Variants in MYO7B observed in about 807,000 individuals in gnomAD.
MYO7B encodes unconventional myosin-VIIb.
MYO7B carries 212 observed loss-of-function variants against 259.7 expected under a neutral mutation model. The ratio of observed to expected loss-of-function variants is 0.82; its 90% CI spans 0.73 to 0.91. MYO7B has a LOEUF of 0.91. Among genes scored for constraint, MYO7B ranks in the 40% least tolerant of loss-of-function variants. The pLI is 0.00. For missense variants in MYO7B, 2,732 were observed against 2,813.5 expected, an observed-to-expected ratio of 0.97 and a Z score of 0.66; for synonymous variants, 1,197 against 1,166.4, an observed-to-expected ratio of 1.03 and a Z score of -0.54.
intron 2 of MYO7B, among the ~76,000 whole-genome samples, chr2:127,562,779 C>G (rs1207157798): frequency 3.9e-5 from 6 of 152,082 alleles, no homozygotes; most frequent in African/African-American, 2.4e-5. Flanking sequence ...AGCCACCACA[C>G]CCAGCCAATT....
chr2:127,626,769 A>C (rs1418786784), intron 31 of MYO7B: 8 of 529,280 alleles, frequency 1.5e-5, no homozygotes, highest in Non-Finnish European at 2.4e-5. Flanking sequence ...ACAGAGCGAG[A>C]CTCTGTCTCA....
chr2:127,579,453 C>T (rs565770546), intron 9 of MYO7B, among the ~76,000 whole-genome samples: 12 of 152,320 alleles, frequency 7.9e-5, no homozygotes, highest in African/African-American at 1.9e-4. Flanking sequence ...CTGCACACTT[C>T]GGCCAGGGAA....
chr2:127,631,327 G>A lies in MYO7B; in HGVS notation c.5059G>A (p.Val1687Ile), dbSNP rs201972665. 546 of 1,611,678 alleles carry A rather than the reference G, an allele frequency of 3.4e-4. 1 individual carries two copies. In the African/African-American group the frequency reaches 5.9e-3, roughly 18 times the overall value. ...QPLLKRVHAN[V>I]DLWDIACQIF... Reference sequence around the variant, plus strand: ...GCTGCTCAAGCGAGTCCACGCCAACGTCGACCTCTGGGACATCGCCTGCCA... The same window carrying A: ...GCTGCTCAAGCGAGTCCACGCCAACATCGACCTCTGGGACATCGCCTGCCA... Residue 1687 changes from valine (V) to isoleucine (I), a missense_variant, in exon 37 of 48, where the codon GTC becomes ATC. By Grantham distance (29) the Val-to-Ile change is conservative. Around this residue, in one of 3 missense-constraint regions of MYO7B, gnomAD observed 821 missense variants for 769.3 expected, o/e 1.07. Transcript: ENST00000409816.
intron 19 of MYO7B, among the ~76,000 whole-genome samples, chr2:127,601,413 C>T (rs1679959972): frequency 6.6e-6 from 1 of 152,042 alleles, no homozygotes; most frequent in Non-Finnish European, 1.5e-5. Flanking sequence ...TTGAGAGAGT[C>T]TCTAATTATA....
At chr2:127,550,844 G>A (rs950206279) in intron 1 of MYO7B, among the ~76,000 whole-genome samples, 1 of 118,136 alleles carries the variant, frequency 8.5e-6, no homozygotes, top group Admixed American at 9.4e-5. Flanking sequence ...AAAGGACCAG[G>A]AGAGTGGACG....
At chr2:127,631,438 G>T (rs1681502828) in intron 37 of MYO7B, 75 bp downstream of exon 37, 1 of 1,561,058 alleles carries the variant, frequency 6.4e-7, no homozygotes, top group African/African-American at 1.3e-5. Flanking sequence ...TGGCCCTACA[G>T]CTGTGCTCTA....
At position 127,636,867 on chromosome 2, in the gene MYO7B, T is replaced by TG. The variant is rs1340372105; in HGVS notation, c.6285dup (p.Ser2096GlufsTer17). ...GGCAGCACCTACTTCCACATGGCGCTGGGGAGCCTGGGCCGTGGCAGCCGC... is the reference window on the plus strand; with the variant it reads ...GGCAGCACCTACTTCCACATGGCGCTGGGGGAGCCTGGGCCGTGGCAGCCGC... On this transcript the variant is annotated frameshift_variant, in exon 47 of 48. Coordinates refer to ENST00000409816, the MANE Select transcript of MYO7B (RefSeq NM_001393586.1). LOFTEE classifies it low-confidence loss of function (END_TRUNC). The surrounding 1 kb of genome is among the most constrained non-coding windows in gnomAD (Gnocchi z 4.5). 1 of 1,612,712 alleles carries TG rather than the reference T, an allele frequency of 6.2e-7. No homozygotes were observed. The highest frequency in any genetic ancestry group is 8.5e-7 in the Non-Finnish European group (1 of 1,179,550).
intron 36 of MYO7B, 109 bp downstream of exon 36, chr2:127,631,017 A>T: frequency 7.2e-7 from 1 of 1,381,904 alleles, no homozygotes; most frequent in Non-Finnish European, 9.8e-7. Context: ...ACCCACTGAG[A>T]GCTGCAGAGA....
At position 127,584,126 on chromosome 2, in the gene MYO7B, G is replaced by T. The variant is rs771899190; in HGVS notation, c.1348G>T (p.Glu450Ter). ...GFENFENNSFEQLCINFANEH... is the reference protein window; with the variant it reads ...GFENFENNSF ...GCAGTGACCTTGCCTCCACAGCTTC[G>T]AGCAGCTCTGCATCAACTTCGCCAA... The change falls in exon 13 of 48, where the codon GAG becomes TAG. Residue 450 changes from glutamate (E) to a stop codon, truncating the protein, a stop_gained. Transcript: ENST00000409816. LOFTEE classifies it high-confidence loss of function. The surrounding 1 kb of genome is among the most constrained non-coding windows in gnomAD (Gnocchi z 5.8). The T allele has an allele frequency of 2.5e-6, 4 of 1,612,378 alleles. No homozygotes were observed. The highest frequency in any genetic ancestry group is 2.5e-6 in the Non-Finnish European group (3 of 1,179,172).
In MYO7B at chr2:127,621,970, C is replaced by G. The variant is rs753514116; in HGVS notation, c.3526-12C>G. 8.4e-6 allele frequency: 13 copies of G among 1,551,608 alleles called. No individual in the cohort carries two copies. The highest frequency in any genetic ancestry group is 1.0e-5 in the Non-Finnish European group (12 of 1,146,988). ...GAGTGTCTTCCTCCCTTCTCCCCTC[C>G]TCACCCACCAGTATCTACTGAACTT... On this transcript the variant is annotated splice_polypyrimidine_tract_variant and intron_variant, in intron 27 of 47. Transcript: ENST00000409816.
In MYO7B at chr2:127,564,134, T is replaced by C. The variant is rs1226540327; in HGVS notation, c.19-19T>C. ...AGAGAGAGCGGGGATCACACCACTG[T>C]CTTCTGTCTGCCCTCCAGGGTGACC... is the stretch of plus-strand genomic sequence containing the variant. On this transcript the variant is annotated intron_variant, in intron 2 of 47. Transcript: ENST00000409816. The C allele has an allele frequency of 1.3e-6, 2 of 1,501,330 alleles. No homozygotes were observed. Among genetic ancestry groups the C allele is most frequent in the South Asian group, 1.2e-5 (1 of 82,278 alleles). 93.0% of individuals were successfully genotyped at this position (1,501,330 alleles called of 1,614,324 possible). A position where few individuals can be genotyped will look rare whatever the true frequency, so the allele number is the denominator to read the frequency against.
chr2:127,606,772 T>G (rs929757607), intron 20 of MYO7B, among the ~76,000 whole-genome samples: 41 of 152,226 alleles, frequency 2.7e-4, no homozygotes, highest in Non-Finnish European at 7.3e-5. Context: ...ACTGCACTTT[T>G]ACTTTAAAGA....
At chr2:127,568,030 G>A (rs1678429774) in intron 5 of MYO7B, among the ~76,000 whole-genome samples, 1 of 152,224 alleles carries the variant, frequency 6.6e-6, no homozygotes, top group Non-Finnish European at 1.5e-5. Flanking sequence ...TGAAAGAGAT[G>A]CTCTTATTCC....
In MYO7B at chr2:127,609,160, C is replaced by G. The variant is rs1680277234; in HGVS notation, c.2814+282C>G. Among the ~76,000 whole-genome samples the G allele has an allele frequency of 6.6e-6, 1 of 152,210 alleles. No homozygotes were observed. Among genetic ancestry groups the G allele is most frequent in the Non-Finnish European group, 1.5e-5 (1 of 68,030 alleles). ...GGCATTCCCCGCGTATATTTGACCCCACCCGGGCACCCCCAGAGCACCTTT... is the reference window on the plus strand; with the variant it reads ...GGCATTCCCCGCGTATATTTGACCCGACCCGGGCACCCCCAGAGCACCTTT... On this transcript the variant is annotated intron_variant, in intron 22 of 47. Coordinates refer to ENST00000409816, the MANE Select transcript of MYO7B (RefSeq NM_001393586.1). The surrounding 1 kb of genome is among the most constrained non-coding windows in gnomAD (Gnocchi z 6.9).
rs533728403 is a variant in MYO7B, at chr2:127,623,977, G to A, written c.3820-116G>A. 59 of 953,892 alleles carry A rather than the reference G, an allele frequency of 6.2e-5. 1 individual carries two copies. The highest frequency in any genetic ancestry group is 6.7e-4 in the Middle Eastern group (2 of 2,976). 59.1% of individuals were successfully genotyped at this position (953,892 alleles called of 1,614,324 possible). A position where few individuals can be genotyped will look rare whatever the true frequency, so the allele number is the denominator to read the frequency against. On this transcript the variant is annotated intron_variant, in intron 29 of 47. Transcript: ENST00000409816. ...GCTCAGCAGTGTCCACTCAGCCCAC[G>A]CTGGGCTCCAAGGGCCCCAGGCCCT...
Position 127,576,776 on chromosome 2 carries a change from C to G in MYO7B, c.849+68C>G. The G allele has an allele frequency of 8.7e-7, 1 of 1,154,354 alleles. No homozygotes were observed. Among genetic ancestry groups the G allele is most frequent in the Non-Finnish European group, 1.2e-6 (1 of 802,840 alleles). The allele number at this position is 1,154,354 out of a possible 1,614,324, so 71.5% of individuals were successfully genotyped here. ...AGGAAAAAGAGCTTGTGCCGCTCCA[C>G]CCTCCGCGACAGCTGCAGAGAAGCC... On this transcript the variant is annotated intron_variant, in intron 8 of 47. Transcript: ENST00000409816. This position sits in a 1 kb window ranked among gnomAD's most constrained non-coding sequence, Gnocchi z 4.9.
rs1573715837 is a variant in MYO7B, at chr2:127,627,475, A to C, written c.4460+165A>C. 1.1e-6 allele frequency: 1 copy of C among 914,934 alleles called. No homozygotes were observed. The highest frequency in any genetic ancestry group is 1.6e-5 in the African/African-American group (1 of 60,792). 56.7% of individuals were successfully genotyped at this position (914,934 alleles called of 1,614,324 possible). On this transcript the variant is annotated intron_variant, in intron 33 of 47. Transcript: ENST00000409816. The surrounding 1 kb of genome is among the most constrained non-coding windows in gnomAD (Gnocchi z 5.6). ...GATGGCTTCTGTACTTCGGAGCCCC[A>C]CCCTCCTGCACCAGGCCGTACTGCC...
At chr2:127,629,892 G>A in intron 35 of MYO7B, 66 bp downstream of exon 35, 6 of 1,435,084 alleles carry the variant, frequency 4.2e-6, no homozygotes, top group Non-Finnish European at 4.6e-6. Flanking sequence ...GTCCTGGGAT[G>A]CCTAGTTGGG....
intron 6 of MYO7B, among the ~76,000 whole-genome samples, chr2:127,571,442 G>GTTTTTTTTTTTGTTTTTTTTTTTTTTT (rs1553448472): frequency 2.4e-5 from 1 of 41,984 alleles, no homozygotes; most frequent in African/African-American, 8.1e-5. Flanking sequence ...TTACCAGTGA[G>GTTTTTTTTTTTGTTTTTTTTTTTTTTT]TTTTTTTTTT....
Sources: allele counts gnomAD v4.1 joint callset (sites outside exome capture counted in the v4.1 genomes callset), GRCh38; gene constraint gnomAD v4.1.1; regional missense constraint gnomAD v4.1.1; non-coding constraint Gnocchi (gnomAD v3.1); transcripts MANE v1.5; gene names NCBI Gene and HGNC (gene_info 2026-07-23, HGNC 2026-07-21).